ALK: variants seen among roughly 807,000 people sequenced by gnomAD.
ALK encodes ALK tyrosine kinase receptor.
A neutral mutation model predicts 163.1 loss-of-function variants in ALK; 74 were observed. That is an observed-to-expected ratio of 0.45 (90% confidence interval 0.38 to 0.55). ALK has a LOEUF of 0.55. ALK is among the 20% of genes least tolerant of loss of function. The probability of loss-of-function intolerance (pLI) is 0.00; values close to 1 mark genes in which losing one functional copy is unlikely to be tolerated. For missense variants in ALK, 2,063 were observed against 2,105.3 expected, an observed-to-expected ratio of 0.98 and a Z score of 0.39; for synonymous variants, 960 against 843.2, an observed-to-expected ratio of 1.14 and a Z score of -2.40.
chr2:29,316,034 A>G (rs1243445678), intron 8 of ALK, among the ~76,000 whole-genome samples: 2 of 152,150 alleles, frequency 1.3e-5, no homozygotes, highest in African/African-American at 4.8e-5. Context: ...CCCTGAGTGA[A>G]CCTCACATAG....
intron 1 of ALK, among the ~76,000 whole-genome samples, chr2:29,836,222 A>T (rs1665555364): frequency 6.6e-6 from 1 of 152,216 alleles, no homozygotes. Context: ...CAATCAAAAT[A>T]GCAAATTTTA....
chr2:29,661,124 T>C (rs1289859273), intron 3 of ALK, among the ~76,000 whole-genome samples: 2 of 152,166 alleles, frequency 1.3e-5, no homozygotes, highest in African/African-American at 2.4e-5. Flanking sequence ...TTATATATGT[T>C]GACTCATTTA....
At chr2:29,557,295 G>A (rs979778203) in intron 3 of ALK, among the ~76,000 whole-genome samples, 4 of 152,158 alleles carry the variant, frequency 2.6e-5, no homozygotes, top group Non-Finnish European at 5.9e-5. Flanking sequence ...AAACACTAAG[G>A]CATATTGAAA....
intron 3 of ALK, among the ~76,000 whole-genome samples, chr2:29,646,818 G>A (rs80258817): frequency 6.6e-6 from 1 of 152,062 alleles, no homozygotes; most frequent in African/African-American, 2.4e-5. Flanking sequence ...CACCACTCCT[G>A]CCTTCCTTGC....
At chr2:29,545,495 C>T (rs1388370433) in intron 3 of ALK, among the ~76,000 whole-genome samples, 1 of 152,166 alleles carries the variant, frequency 6.6e-6, no homozygotes, top group Non-Finnish European at 1.5e-5. Flanking sequence ...AAAGACAGAA[C>T]TTCAAAGCTC....
intron 3 of ALK, among the ~76,000 whole-genome samples, chr2:29,542,091 T>C (rs1487241620): frequency 6.6e-6 from 1 of 152,208 alleles, no homozygotes; most frequent in Non-Finnish European, 1.5e-5. Flanking sequence ...CATTAATAAA[T>C]TGGTGTGCTT....
chr2:29,367,000 TA>T (rs1418877578), intron 5 of ALK, among the ~76,000 whole-genome samples: 1 of 152,222 alleles, frequency 6.6e-6, no homozygotes, highest in African/African-American at 2.4e-5. Context: ...CTCCCGTCAT[TA>T]CTCTCTTTTC....
intron 3 of ALK, among the ~76,000 whole-genome samples, chr2:29,687,641 T>G (rs1678277278): frequency 1.3e-5 from 2 of 152,156 alleles, no homozygotes; most frequent in African/African-American, 4.8e-5. Context: ...AAATCACTAA[T>G]AATTAATTTA....
intron 4 of ALK, among the ~76,000 whole-genome samples, chr2:29,461,896 A>G (rs1046186481): frequency 1.8e-4 from 28 of 152,132 alleles, no homozygotes; most frequent in Admixed American, 6.6e-4. Flanking sequence ...GAAAAAAAAA[A>G]GGACCATTCT....
intron 2 of ALK, among the ~76,000 whole-genome samples, 155 bp from the exon 3 acceptor site, chr2:29,695,169 G>A (rs1470281964): frequency 6.6e-6 from 1 of 152,194 alleles, no homozygotes; most frequent in Non-Finnish European, 1.5e-5. Flanking sequence ...GCTCTGTATT[G>A]GTGAAAAGGG....
intron 8 of ALK, among the ~76,000 whole-genome samples, chr2:29,307,411 C>A (rs1666555403): frequency 6.6e-6 from 1 of 152,152 alleles, no homozygotes; most frequent in African/African-American, 2.4e-5. Context: ...ACATTTTTAA[C>A]AGAGATGCTC....
chr2:29,250,582 C>G (rs1471439749), intron 12 of ALK, among the ~76,000 whole-genome samples: 1 of 152,138 alleles, frequency 6.6e-6, no homozygotes, highest in Non-Finnish European at 1.5e-5. Flanking sequence ...CCAAGTGGAG[C>G]TGGATCTCGT....
At chr2:29,368,322 C>G (rs1350229650) in intron 5 of ALK, among the ~76,000 whole-genome samples, 3 of 152,164 alleles carry the variant, frequency 2.0e-5, no homozygotes, top group Non-Finnish European at 4.4e-5. Flanking sequence ...AATAACTTGT[C>G]AAATGGTGGC....
intron 1 of ALK, among the ~76,000 whole-genome samples, chr2:29,893,144 T>C (rs1434016885): frequency 1.3e-5 from 2 of 152,188 alleles, no homozygotes; most frequent in Admixed American, 1.3e-4. Context: ...CAGGCCATAA[T>C]TCTTGAATAT....
intron 1 of ALK, among the ~76,000 whole-genome samples, chr2:29,790,679 G>A (rs1029291010): frequency 6.6e-6 from 1 of 152,116 alleles, no homozygotes; most frequent in African/African-American, 2.4e-5. Context: ...TGCCTCCCAG[G>A]TTCAAGCAAT....
In ALK at chr2:29,320,805, T is replaced by C; in HGVS notation, c.1492A>G (p.Thr498Ala). 1 of 1,613,744 alleles carries C rather than the reference T, an allele frequency of 6.2e-7. No individual in the cohort carries two copies. The highest frequency in any genetic ancestry group is 8.5e-7 in the Non-Finnish European group (1 of 1,179,926). ...AGGGTCCTGACCTGCCATTGAGGAG[T>C]GTGGGGTGACAGTGTGCCTTGGGTC... ...GWTQGTLSPH[T>A]PQWQVRTLKD... The change falls in exon 7 of 29, where the codon ACT becomes GCT. Residue 498 changes from threonine (T) to alanine (A), a missense_variant. Coordinates refer to ENST00000389048, the MANE Select transcript of ALK (RefSeq NM_004304.5).
At chr2:29,758,005 CTTTTTT>C (rs1213067837) in intron 1 of ALK, among the ~76,000 whole-genome samples, 44 of 104,990 alleles carry the variant, frequency 4.2e-4, no homozygotes, top group African/African-American at 1.9e-3. Context: ...CCCGCATCCT[CTTTTTT>C]TTTTTTTTTT....
intron 1 of ALK, among the ~76,000 whole-genome samples, chr2:29,729,308 A>G (rs1192350735): frequency 6.6e-6 from 1 of 152,162 alleles, no homozygotes; most frequent in Non-Finnish European, 1.5e-5. Context: ...TGAGGTGAAG[A>G]GAGGCAAAGA....
rs992803724 is a variant in ALK at position 29,830,698 on chromosome 2, G to T, written c.667+89295C>A. On this transcript the variant is annotated intron_variant, in intron 1 of 28. Coordinates refer to ENST00000389048, the MANE Select transcript of ALK (RefSeq NM_004304.5). ...AGCCTGGAAAACACAGCAAGACCCT[G>T]TCTCTAAAATAGTTTAAAAAAAAAA... Among the ~76,000 whole-genome samples, 84 of 97,392 alleles carry T rather than the reference G, an allele frequency of 8.6e-4. 1 individual carries two copies. The highest frequency in any genetic ancestry group is 3.2e-3 in the African/African-American group (79 of 24,312). The allele number at this position is 97,392 out of a possible 152,430, so 63.9% of individuals were successfully genotyped here.
Sources: gnomAD v4.1 joint callset for allele counts (sites outside exome capture counted in the v4.1 genomes callset) on GRCh38, gnomAD v4.1.1 for gene constraint, MANE v1.5 for transcripts, NCBI Gene and HGNC (gene_info 2026-07-23, HGNC 2026-07-21) for gene names.